PRTFDC1: variants seen among roughly 807,000 people sequenced by gnomAD.
PRTFDC1 encodes phosphoribosyl transferase domain containing 1.
PRTFDC1 carries 38 observed loss-of-function variants against 34.6 expected under a neutral mutation model. The observed-to-expected ratio is 1.10, with a 90% confidence interval of 0.85 to 1.44. The LOEUF (loss-of-function observed/expected upper bound fraction) is 1.44. Among genes scored for constraint, PRTFDC1 ranks in the 40% most tolerant of loss-of-function variants. The pLI is 0.00. For synonymous variants in PRTFDC1, 93 were observed against 98.1 expected (o/e 0.95, Z 0.31); for missense variants, 270 against 283.0 (o/e 0.95, Z 0.33).
intron 3 of PRTFDC1, among the ~76,000 whole-genome samples, chr10:24,902,741 A>G (rs1035219493): frequency 2.0e-5 from 3 of 152,226 alleles, no homozygotes; most frequent in Non-Finnish European, 2.9e-5. Context: ...TAACAAGATT[A>G]CAGTTAGATT....
At chr10:24,876,693 C>CA (rs145392295) in intron 3 of PRTFDC1, among the ~76,000 whole-genome samples, 73 of 149,922 alleles carry the variant, frequency 4.9e-4, no homozygotes, top group African/African-American at 1.1e-3. Context: ...GACTCCATCT[C>CA]AAAAAAAAAA....
intron 1 of PRTFDC1, among the ~76,000 whole-genome samples, chr10:24,946,829 A>T (rs915717361): frequency 1.3e-5 from 2 of 152,240 alleles, no homozygotes; most frequent in African/African-American, 4.8e-5. Flanking sequence ...CAGTGTTATT[A>T]TCTTAGTTAA....
At chr10:24,931,992 G>T (rs1398470749) in intron 3 of PRTFDC1, among the ~76,000 whole-genome samples, 1 of 150,942 alleles carries the variant, frequency 6.6e-6, no homozygotes, top group East Asian at 1.9e-4. Context: ...TTAGCAAGTT[G>T]AATCCACCAA....
intron 3 of PRTFDC1, among the ~76,000 whole-genome samples, chr10:24,880,934 C>A (rs929486621): frequency 6.8e-6 from 1 of 147,988 alleles, no homozygotes; most frequent in African/African-American, 2.5e-5. Context: ...TTTCTTTCCC[C>A]TTTCTTTCTT....
intron 3 of PRTFDC1, among the ~76,000 whole-genome samples, chr10:24,922,188 C>T (rs1302852621): frequency 6.6e-6 from 1 of 152,098 alleles, no homozygotes; most frequent in Non-Finnish European, 1.5e-5. Context: ...CATTCTATAT[C>T]AGTTACAAAA....
intron 2 of PRTFDC1, among the ~76,000 whole-genome samples, chr10:24,940,141 C>G (rs1035346140): frequency 2.6e-5 from 4 of 152,144 alleles, no homozygotes; most frequent in Non-Finnish European, 4.4e-5. Context: ...ATTGACAGGT[C>G]CAACAGTCAG....
chr10:24,897,891 A>G (rs61854295), intron 3 of PRTFDC1, among the ~76,000 whole-genome samples: 17,659 of 152,170 alleles, frequency 0.12, 1,261 homozygotes, highest in East Asian at 0.29. Flanking sequence ...TGGGACAGTC[A>G]GAGAGGTGCA....
chr10:24,929,068 G>A (rs111754300), intron 3 of PRTFDC1, among the ~76,000 whole-genome samples: 22,522 of 109,420 alleles, frequency 0.21, 3,956 homozygotes, highest in African/African-American at 0.41. Context: ...AAGAAAGAAA[G>A]AAAGAAAGGG....
At position 24,857,000 on chromosome 10, in the gene PRTFDC1, G is replaced by A. The variant is rs930083640; in HGVS notation, c.424-5C>T. On this transcript the variant is annotated splice_region_variant and splice_polypyrimidine_tract_variant and intron_variant, in intron 5 of 8. Transcript: ENST00000320152. The stretch of plus-strand genomic sequence containing the variant: ...CCTCCCAGTTCCGACAACATCCTTT[G>A]CAAAAAGGACAGATAAATTCAACAA... 6.2e-7 allele frequency: 1 copy of A among 1,608,168 alleles called. No homozygotes were observed. Among genetic ancestry groups the A allele is most frequent in the Non-Finnish European group, 8.5e-7 (1 of 1,174,638 alleles).
chr10:24,886,994 C>T (rs1339909033), intron 3 of PRTFDC1, among the ~76,000 whole-genome samples: 3 of 116,564 alleles, frequency 2.6e-5, no homozygotes, highest in Non-Finnish European at 4.9e-5. Context: ...GACGGAGTCT[C>T]GCTCTGTCGC....
intron 3 of PRTFDC1, among the ~76,000 whole-genome samples, chr10:24,897,614 G>A (rs996923371): frequency 3.3e-5 from 5 of 152,274 alleles, no homozygotes; most frequent in Admixed American, 6.5e-5. Flanking sequence ...ATGGAAATCC[G>A]GGGCTTCTTT....
At chr10:24,917,600 CTGG>C (rs1470742273) in intron 3 of PRTFDC1, among the ~76,000 whole-genome samples, 1 of 152,016 alleles carries the variant, frequency 6.6e-6, no homozygotes, top group Non-Finnish European at 1.5e-5. Flanking sequence ...TCTGTTTCAT[CTGG>C]TGTTTCATGC....
chr10:24,944,533 C>T (rs1371863795), intron 1 of PRTFDC1, among the ~76,000 whole-genome samples: 1 of 152,128 alleles, frequency 6.6e-6, no homozygotes, highest in East Asian at 1.9e-4. Context: ...CCTGTAATCC[C>T]AGCACTTGAG....
rs918769488 is a variant in PRTFDC1 at position 24,869,877 on chromosome 10, T to G, written c.405+2121A>C. On this transcript the variant is annotated intron_variant, in intron 4 of 8. Transcript: ENST00000320152. ...TTTACCATTTCCCTCTGCCCTGTCC[T>G]CTCTTACCCCAAACTAATCAAAGAC... Among the ~76,000 whole-genome samples, 21 of 152,320 alleles carry G rather than the reference T, an allele frequency of 1.4e-4. No homozygotes were observed. The East Asian group carries it at 2.7e-3, about 20-fold the overall frequency.
At chr10:24,928,320 C>T (rs1316183164) in intron 3 of PRTFDC1, among the ~76,000 whole-genome samples, 2 of 152,078 alleles carry the variant, frequency 1.3e-5, no homozygotes, top group Non-Finnish European at 2.9e-5. Flanking sequence ...ATCTGGCACC[C>T]CCCCACAACT....
At chr10:24,864,013 C>CAAAAAA (rs71399939) in intron 4 of PRTFDC1, among the ~76,000 whole-genome samples, 1 of 105,938 alleles carries the variant, frequency 9.4e-6, no homozygotes, top group African/African-American at 3.5e-5. Flanking sequence ...CAACTCGTCT[C>CAAAAAA]AAAAAAAAAA....
chr10:24,899,849 C>T (rs139457830), intron 3 of PRTFDC1, among the ~76,000 whole-genome samples: 4 of 152,172 alleles, frequency 2.6e-5, no homozygotes, highest in Non-Finnish European at 4.4e-5. Context: ...GGAAGTATTC[C>T]GAGTTGAACA....
chr10:24,882,284 C>T (rs1848092066), intron 3 of PRTFDC1, among the ~76,000 whole-genome samples: 2 of 151,972 alleles, frequency 1.3e-5, no homozygotes, highest in African/African-American at 4.8e-5. Context: ...CTGGACTCCC[C>T]CTGGCTTCCT....
intron 3 of PRTFDC1, among the ~76,000 whole-genome samples, chr10:24,905,576 G>T (rs1383544386): frequency 6.6e-6 from 1 of 152,022 alleles, no homozygotes; most frequent in African/African-American, 2.4e-5. Context: ...GCCTCCCAAA[G>T]TGTTGGGATT....
Sources: gnomAD v4.1 joint callset for allele counts (sites outside exome capture counted in the v4.1 genomes callset) on GRCh38, gnomAD v4.1.1 for gene constraint, MANE v1.5 for transcripts, NCBI Gene and HGNC (gene_info 2026-07-23, HGNC 2026-07-21) for gene names.